Variants in TULP4 observed in about 807,000 individuals in gnomAD.
TULP4 encodes tubby-related protein 4.
In TULP4, 16 loss-of-function variants were observed where a neutral mutation model predicts 129.0. The observed-to-expected ratio is 0.12, with a 90% confidence interval of 0.08 to 0.19. The LOEUF (loss-of-function observed/expected upper bound fraction) is 0.19, where lower values mean the gene tolerates loss of function less well. Ranked by LOEUF, TULP4 falls within the 10% of genes least tolerant of loss-of-function variation. The pLI is 1.00. For synonymous variants in TULP4, 998 were observed against 854.0 expected (o/e 1.17, Z -2.94); for missense variants, 1,842 against 2,059.1 (o/e 0.89, Z 2.04).
chr6:158,458,115 C>T (rs1407844082), intron 5 of TULP4, among the ~76,000 whole-genome samples: 1 of 152,142 alleles, frequency 6.6e-6, no homozygotes, highest in Non-Finnish European at 1.5e-5. Context: ...ACTTCAGACT[C>T]CAAACAGTAG....
intron 1 of TULP4, among the ~76,000 whole-genome samples, chr6:158,321,167 G>C (rs2128486818): frequency 6.6e-6 from 1 of 152,052 alleles, no homozygotes; most frequent in East Asian, 1.9e-4. Context: ...TTGGTGTTTT[G>C]TTTTTGTTTT....
intron 1 of TULP4, among the ~76,000 whole-genome samples, chr6:158,253,747 AG>A (rs1194126621): frequency 1.3e-5 from 2 of 152,194 alleles, no homozygotes; most frequent in South Asian, 2.1e-4. Flanking sequence ...TATAGAAGAC[AG>A]AATGTGCCGA....
At chr6:158,420,339 T>C (rs1248923751) in intron 2 of TULP4, among the ~76,000 whole-genome samples, 1 of 152,224 alleles carries the variant, frequency 6.6e-6, no homozygotes, top group East Asian at 1.9e-4. Flanking sequence ...TCACAGGCCA[T>C]AGCTTGCCAA....
intron 8 of TULP4, among the ~76,000 whole-genome samples, chr6:158,482,422 C>T (rs1476000493): frequency 1.3e-5 from 2 of 152,146 alleles, no homozygotes; most frequent in Admixed American, 6.5e-5. Context: ...GATATTAGTC[C>T]GTTTTTTCTG....
At chr6:158,289,417 C>G (rs1216000510) in intron 1 of TULP4, among the ~76,000 whole-genome samples, 2 of 151,724 alleles carry the variant, frequency 1.3e-5, no homozygotes, top group Non-Finnish European at 2.9e-5. Context: ...TCTGTTTTTA[C>G]TATCTTCTTC....
intron 1 of TULP4, among the ~76,000 whole-genome samples, chr6:158,245,584 A>G (rs538410959): frequency 1.2e-4 from 19 of 152,294 alleles, no homozygotes; most frequent in African/African-American, 4.1e-4. Context: ...GAAAGTCCAC[A>G]TTTAGTAGGA....
At chr6:158,334,447 T>C (rs1779986185) in intron 1 of TULP4, among the ~76,000 whole-genome samples, 2 of 152,242 alleles carry the variant, frequency 1.3e-5, no homozygotes, top group Admixed American at 1.3e-4. Flanking sequence ...TGTAAGAATA[T>C]GGTATATAAT....
At chr6:158,352,873 C>T (rs1356976113) in intron 1 of TULP4, among the ~76,000 whole-genome samples, 1 of 152,200 alleles carries the variant, frequency 6.6e-6, no homozygotes, top group Non-Finnish European at 1.5e-5. Flanking sequence ...TAGTTAAATA[C>T]ATACATCTAT....
At chr6:158,296,425 C>G (rs564295853) in intron 1 of TULP4, among the ~76,000 whole-genome samples, 3 of 151,762 alleles carry the variant, frequency 2.0e-5, no homozygotes, top group African/African-American at 7.3e-5. Context: ...ACTGTGATGC[C>G]TGCCTGAGCC....
chr6:158,273,127 A>G (rs1801770802), intron 1 of TULP4, among the ~76,000 whole-genome samples: 2 of 152,200 alleles, frequency 1.3e-5, no homozygotes, highest in African/African-American at 4.8e-5. Flanking sequence ...TGTGTTCTTC[A>G]CACAGACAGT....
In TULP4 at chr6:158,271,943, G is replaced by A. The variant is rs542451243; in HGVS notation, n.68+39640G>A. Among the ~76,000 whole-genome samples the A allele has an allele frequency of 3.0e-3, 451 of 152,322 alleles. 1 individual carries two copies. The highest frequency in any genetic ancestry group is 0.01 in the Middle Eastern group (3 of 294). ...GTAAGTCATTGAAAGGACTCACTGG[G>A]ACACATGTGCAGTGGAGGGTTTAAA... On this transcript the variant is annotated intron_variant and non_coding_transcript_variant, in intron 1 of 1. Transcript: ENST00000620026.
At chr6:158,289,033 G>C (rs568104788) in intron 1 of TULP4, among the ~76,000 whole-genome samples, 1 of 152,114 alleles carries the variant, frequency 6.6e-6, no homozygotes, top group Non-Finnish European at 1.5e-5. Context: ...GGTAGAACTC[G>C]TTTGTAAACT....
chr6:158,237,489 G>C (rs1240209275), intron 1 of TULP4: 2 of 1,535,312 alleles, frequency 1.3e-6, no homozygotes, highest in East Asian at 4.5e-5. Context: ...AGGTGGGTGG[G>C]CTACTCACAG....
chr6:158,310,824 G>A (rs1174248194), upstream of TULP4, among the ~76,000 whole-genome samples: 1 of 152,292 alleles, frequency 6.6e-6, no homozygotes, highest in African/African-American at 2.4e-5. Context: ...TGCTTCAGTA[G>A]TCCACAGAAG....
intron 1 of TULP4, among the ~76,000 whole-genome samples, chr6:158,392,744 A>C (rs1583828766): frequency 7.0e-6 from 1 of 141,998 alleles, no homozygotes. Flanking sequence ...TGCTGGGTAC[A>C]CCGCCACCTT....
chr6:158,497,342 G>T (rs1462147364), intron 11 of TULP4, among the ~76,000 whole-genome samples: 1 of 152,200 alleles, frequency 6.6e-6, no homozygotes, highest in Non-Finnish European at 1.5e-5. Context: ...CTTAAAAAGT[G>T]AGTGCTGTTC....
chr6:158,242,761 C>T (rs371831366), intron 1 of TULP4: 5 of 424,486 alleles, frequency 1.2e-5, no homozygotes, highest in East Asian at 1.0e-4. Flanking sequence ...CTGTTCTGGC[C>T]GTACCGGTTC....
At chr6:158,398,707 C>A (rs1159237708) in intron 1 of TULP4, 6 of 152,228 alleles carry the variant, frequency 3.9e-5, no homozygotes, top group Non-Finnish European at 8.8e-5. Context: ...GCAATTTGTA[C>A]AAAATTCAAT....
intron 1 of TULP4, among the ~76,000 whole-genome samples, chr6:158,296,070 T>G (rs1311220764): frequency 6.6e-6 from 1 of 152,238 alleles, no homozygotes; most frequent in Non-Finnish European, 1.5e-5. Context: ...TTTGGCTTGT[T>G]TCTGAACTTC....
Sources: allele counts gnomAD v4.1 joint callset (sites outside exome capture counted in the v4.1 genomes callset), GRCh38; gene constraint gnomAD v4.1.1; transcripts MANE v1.5; gene names NCBI Gene and HGNC (gene_info 2026-07-23, HGNC 2026-07-21).